CDH23: variants seen among roughly 807,000 people sequenced by gnomAD.
CDH23 encodes cadherin-23.
In CDH23, 189 loss-of-function variants were observed where a neutral mutation model predicts 317.1. The observed-to-expected ratio is 0.60, with a 90% CI of 0.53 to 0.67. The LOEUF (loss-of-function observed/expected upper bound fraction) is 0.67. CDH23 is among the 30% of genes least tolerant of loss of function. The pLI is 0.00. For synonymous variants in CDH23, 1,839 were observed against 1,876.8 expected (o/e 0.98, Z 0.52); for missense variants, 4,401 against 4,592.4 (o/e 0.96, Z 1.20).
At chr10:71,760,306 TACACAC>T (rs142089504) in intron 38 of CDH23, among the ~76,000 whole-genome samples, 2 of 86,502 alleles carry the variant, frequency 2.3e-5, no homozygotes, top group Admixed American at 1.3e-4. Flanking sequence ...TATATGTATA[TACACAC>T]ACATATATAT....
intron 6 of CDH23, among the ~76,000 whole-genome samples, chr10:71,528,554 C>T (rs1464567819): frequency 2.0e-5 from 3 of 152,276 alleles, no homozygotes; most frequent in South Asian, 4.1e-4. Context: ...CTCATCGGAG[C>T]GTTATGATAT....
chr10:71,736,220 G>C (rs1839561072), intron 34 of CDH23, among the ~76,000 whole-genome samples: 1 of 152,232 alleles, frequency 6.6e-6, no homozygotes, highest in Admixed American at 6.5e-5. Flanking sequence ...ACCCCCTTTT[G>C]TTCTGCCCTG....
At chr10:71,497,410 G>C (rs1366107538) in intron 3 of CDH23, among the ~76,000 whole-genome samples, 1 of 152,122 alleles carries the variant, frequency 6.6e-6, no homozygotes, top group Non-Finnish European at 1.5e-5. Flanking sequence ...TCATGGGCCT[G>C]GGAGCTGCCG....
intron 9 of CDH23, among the ~76,000 whole-genome samples, chr10:71,602,679 C>G (rs1860298665): frequency 6.6e-6 from 1 of 152,164 alleles, no homozygotes; most frequent in African/African-American, 2.4e-5. Flanking sequence ...CCCATCTTTC[C>G]TGCTTAACGT....
intron 6 of CDH23, among the ~76,000 whole-genome samples, chr10:71,524,225 A>G (rs1589163253): frequency 6.6e-6 from 1 of 152,158 alleles, no homozygotes; most frequent in African/African-American, 2.4e-5. Context: ...GTGGCTTTCC[A>G]CCGTGGACGG....
Position 71,810,476 on chromosome 10 carries a change from A to C in CDH23, c.8984A>C (p.His2995Pro). The C allele has an allele frequency of 2.5e-6, 4 of 1,613,872 alleles. No individual in the cohort carries two copies. The highest frequency in any genetic ancestry group is 3.4e-6 in the Non-Finnish European group (4 of 1,179,832). ...ACAATACCCCTTCTCATCTAGTTCC[A>C]TGTGGACAAGAAGGGCCGGGTGAAC... ...AIVNTDNVQF[H>P]VDKKGRVNFA... The change falls in exon 62 of 70, where the codon CAT (histidine) becomes CCT (proline). Residue 2995 changes from histidine (H) to proline (P), a missense_variant. Physicochemically the swap from His to Pro is moderately conservative, Grantham distance 77. Around this residue, in one of 3 missense-constraint regions of CDH23, gnomAD observed 1,144 missense variants for 1,138.2 expected, o/e 1.01. Transcript: ENST00000224721.
chr10:71,771,915 T>C (rs1374684847), intron 38 of CDH23, among the ~76,000 whole-genome samples: 1 of 152,038 alleles, frequency 6.6e-6, no homozygotes, highest in African/African-American at 2.4e-5. Context: ...GGGCAGGAAG[T>C]GGGCAAGAAA....
chr10:71,521,752 C>T (rs1269335636), intron 6 of CDH23, among the ~76,000 whole-genome samples: 4 of 152,246 alleles, frequency 2.6e-5, no homozygotes, highest in African/African-American at 9.6e-5. Flanking sequence ...CCGGCCCCGG[C>T]TCTTCACTTA....
chr10:71,579,526 C>G (rs1436724976), intron 9 of CDH23, among the ~76,000 whole-genome samples: 1 of 152,194 alleles, frequency 6.6e-6, no homozygotes, highest in African/African-American at 2.4e-5. Context: ...TCTCCCGGGG[C>G]TCCTACCAAA....
chr10:71,583,361 C>G (rs1037215620), intron 9 of CDH23, among the ~76,000 whole-genome samples: 3 of 151,826 alleles, frequency 2.0e-5, no homozygotes, highest in African/African-American at 7.3e-5. Flanking sequence ...CAGCAGGGGG[C>G]CACCTGGGGG....
chr10:71,409,555 G>A (rs1038396681), intron 1 of CDH23, among the ~76,000 whole-genome samples: 2 of 152,118 alleles, frequency 1.3e-5, no homozygotes, highest in African/African-American at 2.4e-5. Flanking sequence ...CTGCTGGCCT[G>A]GGGGTGGGAT....
intron 16 of CDH23, 78 bp from the exon 17 acceptor site, chr10:71,679,308 CA>C: frequency 1.2e-6 from 1 of 861,852 alleles, no homozygotes; most frequent in Non-Finnish European, 1.9e-6. Flanking sequence ...CAGTCTTCCC[CA>C]CCCTCCCAGC....
In CDH23 at chr10:71,807,575, G is replaced by A. The variant is rs747893535; in HGVS notation, c.8368G>A (p.Asp2790Asn). Residue 2790 changes from aspartate to asparagine, a missense_variant, in exon 59 of 70, where the codon GAC (aspartate) becomes AAC (asparagine). Asp to Asn is a conservative substitution (Grantham distance 23). Transcript: ENST00000224721. The stretch of plus-strand genomic sequence containing the variant: ...CGATGGGTGTCTGCTGGTGCTGCGG[G>A]ACCTGGACCGGGAGCGAGAAGCCAT... ...QPDGCLLVLR[D>N]LDREREAIFS... 6.9e-5 allele frequency: 111 copies of A among 1,613,870 alleles called. No individual in the cohort carries two copies. The highest frequency in any genetic ancestry group is 9.2e-5 in the Non-Finnish European group (109 of 1,179,898).
At position 71,494,343 on chromosome 10, in the gene CDH23, G is replaced by C. The variant is rs147515775; in HGVS notation, c.146-15739G>C. On this transcript the variant is annotated intron_variant, in intron 3 of 69. Transcript: ENST00000224721. Reference sequence around the variant, plus strand: ...TTTTGTCTATGTCTTGGATAACTGGGTGTGTAGGATGTGACTCCAGCAGAG... The same window carrying C: ...TTTTGTCTATGTCTTGGATAACTGGCTGTGTAGGATGTGACTCCAGCAGAG... 4.0e-3 allele frequency among the ~76,000 whole-genome samples: 614 copies of C among 152,274 alleles called. 7 individuals carry two copies. The highest frequency in any genetic ancestry group is 0.014 in the African/African-American group (591 of 41,542).
At chr10:71,743,387 C>G (rs1431962099) in intron 38 of CDH23, among the ~76,000 whole-genome samples, 1 of 152,102 alleles carries the variant, frequency 6.6e-6, no homozygotes, top group South Asian at 2.1e-4. Flanking sequence ...CTGGGCAGGG[C>G]TCTTTGTCTG....
chr10:71,517,620 CT>C (rs1854410206), intron 6 of CDH23, among the ~76,000 whole-genome samples: 1 of 152,234 alleles, frequency 6.6e-6, no homozygotes, highest in Non-Finnish European at 1.5e-5. Flanking sequence ...GAGTTGACAG[CT>C]CCACTCATGA....
intron 37 of CDH23, 146 bp downstream of exon 37, chr10:71,741,096 A>G: frequency 1.1e-6 from 1 of 872,598 alleles, no homozygotes; most frequent in East Asian, 2.5e-5. Context: ...TCGTAGTGAT[A>G]GCCCTAACGC....
At chr10:71,467,598 G>A (rs1355137245) in intron 3 of CDH23, among the ~76,000 whole-genome samples, 1 of 152,102 alleles carries the variant, frequency 6.6e-6, no homozygotes. Context: ...CTGACTGGGG[G>A]GTTCAAATCT....
chr10:71,753,784 G>A, intron 38 of CDH23: 1 of 456,464 alleles, frequency 2.2e-6, no homozygotes, highest in Non-Finnish European at 4.4e-6. Flanking sequence ...TGGTGGGGGA[G>A]GGGCACAACA....
Sources: gnomAD v4.1 joint callset for allele counts (sites outside exome capture counted in the v4.1 genomes callset) on GRCh38, gnomAD v4.1.1 for gene constraint, gnomAD v4.1.1 regional missense constraint, MANE v1.5 for transcripts, NCBI Gene and HGNC (gene_info 2026-07-23, HGNC 2026-07-21) for gene names.